GRIA2: variants seen among roughly 807,000 people sequenced by gnomAD.
The protein encoded by GRIA2 is glutamate ionotropic receptor AMPA type subunit 2.
GRIA2 carries 14 observed loss-of-function variants against 97.3 expected under a neutral mutation model. That is an observed-to-expected ratio of 0.14 (90% CI 0.10 to 0.23). The LOEUF (loss-of-function observed/expected upper bound fraction) is 0.23, where lower values mean the gene tolerates loss of function less well. Among genes scored for constraint, GRIA2 ranks in the 10% least tolerant of loss-of-function variants. The pLI is 1.00. For synonymous variants in GRIA2, 412 were observed against 387.8 expected, an observed-to-expected ratio of 1.06 and a Z score of -0.73; for missense variants, 558 against 1,069.8, an observed-to-expected ratio of 0.52 and a Z score of 6.67.
intron 2 of GRIA2, among the ~76,000 whole-genome samples, chr4:157,301,149 A>G (rs896572026): frequency 1.3e-5 from 2 of 152,188 alleles, no homozygotes; most frequent in Admixed American, 1.3e-4. Flanking sequence ...TCTTTCTTTT[A>G]TGTGTCATTT....
chr4:157,329,619 G>A (rs1734960311), intron 6 of GRIA2, among the ~76,000 whole-genome samples: 1 of 151,868 alleles, frequency 6.6e-6, no homozygotes, highest in African/African-American at 2.4e-5. Context: ...GAGTGAGATG[G>A]TGGTTTTCAA....
intron 13 of GRIA2, 113 bp from the exon 14 acceptor site, chr4:157,360,897 T>A: frequency 1.3e-6 from 1 of 769,652 alleles, no homozygotes; most frequent in Non-Finnish European, 2.2e-6. Context: ...CCCACTTCAT[T>A]TTTTTGTGAC....
At chr4:157,313,560 G>A (rs573867405) in intron 4 of GRIA2, among the ~76,000 whole-genome samples, 1 of 152,150 alleles carries the variant, frequency 6.6e-6, no homozygotes, top group Admixed American at 6.6e-5. Flanking sequence ...GGGTAGGGGA[G>A]CCATGCAGTG....
At chr4:157,294,756 G>A (rs1241287699) in intron 2 of GRIA2, among the ~76,000 whole-genome samples, 1 of 152,088 alleles carries the variant, frequency 6.6e-6, no homozygotes, top group East Asian at 1.9e-4. Context: ...CTTGCCAGCA[G>A]CACACAGCTG....
intron 14 of GRIA2, among the ~76,000 whole-genome samples, chr4:157,362,597 C>T (rs1736681332): frequency 6.6e-6 from 1 of 152,046 alleles, no homozygotes; most frequent in African/African-American, 2.4e-5. Context: ...ATTGAGTCCA[C>T]CAAAATCTTA....
At chr4:157,288,579 A>G (rs111495924) in intron 2 of GRIA2, among the ~76,000 whole-genome samples, 2,953 of 151,850 alleles carry the variant, frequency 0.019, 33 homozygotes, top group Middle Eastern at 0.075. Context: ...ACCACAACAC[A>G]TATTTCCTTT....
chr4:157,252,194 A>G (rs1386089961), intron 2 of GRIA2, among the ~76,000 whole-genome samples: 1 of 152,080 alleles, frequency 6.6e-6, no homozygotes, highest in Non-Finnish European at 1.5e-5. Flanking sequence ...TGCAAAACCA[A>G]ATGAAGGGTA....
intron 2 of GRIA2, among the ~76,000 whole-genome samples, chr4:157,269,222 T>C (rs190844969): frequency 6.6e-5 from 10 of 152,060 alleles, no homozygotes; most frequent in Admixed American, 3.3e-4. Flanking sequence ...GGAAAATCAT[T>C]TTTAGAACCA....
chr4:157,321,531 A>C lies in GRIA2; in HGVS notation c.814A>C (p.Lys272Gln). ...GGACTATGATGATTCGTTGGTATCT[A>C]AATTTATAGAAAGATGGTCAACACT... ...IVDYDDSLVS[K>Q]FIERWSTLEE... The change falls in exon 6 of 16, where the codon AAA becomes CAA. Residue 272 changes from lysine to glutamine, a missense_variant. By Grantham distance (53) the Lys-to-Gln change is moderately conservative. Around this residue, in one of 8 missense-constraint regions of GRIA2, gnomAD observed 173 missense variants for 209.1 expected, o/e 0.83. Transcript: ENST00000264426. 6.2e-7 allele frequency: 1 copy of C among 1,607,254 alleles called. No homozygotes were observed. Among genetic ancestry groups the C allele is most frequent in the Non-Finnish European group, 8.5e-7 (1 of 1,173,868 alleles).
chr4:157,360,266 A>T, intron 13 of GRIA2, 123 bp downstream of exon 13: 3 of 909,626 alleles, frequency 3.3e-6, no homozygotes, highest in Non-Finnish European at 3.3e-6. Flanking sequence ...CACAAAAATG[A>T]CCAAAAAACG....
intron 9 of GRIA2, chr4:157,335,427 G>C: frequency 2.0e-6 from 1 of 495,640 alleles, no homozygotes. Flanking sequence ...GTGGTTTTGA[G>C]TATCTTGTTA....
At position 157,363,793 on chromosome 4, in the gene GRIA2, G is replaced by A. The variant is rs1322639838; in HGVS notation, c.*362G>A. 2.4e-5 allele frequency: 9 copies of A among 368,662 alleles called. No individual in the cohort carries two copies. The highest frequency in any genetic ancestry group is 1.6e-4 in the East Asian group (4 of 25,642). 22.8% of individuals were successfully genotyped at this position (368,662 alleles called of 1,614,324 possible). ...TTTCTACTCGAGTTACAGACAAAGC[G>A]TGGTGGACATGCACAGCTAACATGG... On this transcript the variant is annotated 3_prime_UTR_variant, in exon 16 of 16. Transcript: ENST00000264426.
At chr4:157,235,081 T>C (rs1730184898) in intron 2 of GRIA2, among the ~76,000 whole-genome samples, 1 of 152,108 alleles carries the variant, frequency 6.6e-6, no homozygotes, top group Non-Finnish European at 1.5e-5. Flanking sequence ...TCAAAATTAC[T>C]CTTTTAAAGC....
chr4:157,274,895 G>A (rs896116425), intron 2 of GRIA2, among the ~76,000 whole-genome samples: 1 of 151,212 alleles, frequency 6.6e-6, no homozygotes, highest in African/African-American at 2.4e-5. Context: ...TAATGGGATG[G>A]CTGGGTCAAA....
chr4:157,299,004 T>C (rs1171773330), intron 2 of GRIA2, among the ~76,000 whole-genome samples: 4 of 151,810 alleles, frequency 2.6e-5, no homozygotes, highest in Non-Finnish European at 4.4e-5. Context: ...TAATTTAGGA[T>C]GTAGGAAGAA....
At chr4:157,288,616 A>T (rs946847904) in intron 2 of GRIA2, among the ~76,000 whole-genome samples, 1 of 151,814 alleles carries the variant, frequency 6.6e-6, no homozygotes, top group African/African-American at 2.4e-5. Context: ...TCTTGTGTAT[A>T]CTTTATATAA....
At chr4:157,246,668 A>T (rs896921256) in intron 2 of GRIA2, among the ~76,000 whole-genome samples, 43 of 152,106 alleles carry the variant, frequency 2.8e-4, no homozygotes, top group African/African-American at 1.0e-3. Context: ...ATATATTGTG[A>T]TGTACTCTGT....
At chr4:157,229,590 T>C (rs1399578328) in intron 2 of GRIA2, among the ~76,000 whole-genome samples, 2 of 152,216 alleles carry the variant, frequency 1.3e-5, no homozygotes, top group African/African-American at 2.4e-5. Context: ...ATATGTAATG[T>C]TTATAGTTTT....
intron 2 of GRIA2, among the ~76,000 whole-genome samples, chr4:157,263,065 C>G (rs999641546): frequency 1.3e-5 from 2 of 152,038 alleles, no homozygotes; most frequent in African/African-American, 4.8e-5. Flanking sequence ...TTAAATTTGT[C>G]AAGGTAAGCT....
Sources: gnomAD v4.1 joint callset for allele counts (sites outside exome capture counted in the v4.1 genomes callset) on GRCh38, gnomAD v4.1.1 for gene constraint, gnomAD v4.1.1 regional missense constraint, MANE v1.5 for transcripts, NCBI Gene and HGNC (gene_info 2026-07-23, HGNC 2026-07-21) for gene names.